Variants in FRAS1 observed in about 807,000 individuals in gnomAD.
FRAS1 encodes the protein extracellular matrix organizing protein FRAS1.
In FRAS1, 290 loss-of-function variants were observed where a neutral mutation model predicts 435.2. The ratio of observed to expected loss-of-function variants is 0.67; its 90% CI spans 0.61 to 0.73. The LOEUF is 0.73. Ranked by LOEUF, FRAS1 falls within the 30% of genes least tolerant of loss-of-function variation. FRAS1 has a pLI of 0.00. For missense variants in FRAS1, 4,860 were observed against 5,001.5 expected, an observed-to-expected ratio of 0.97 and a Z score of 0.85; for synonymous variants, 1,800 against 1,851.0, an observed-to-expected ratio of 0.97 and a Z score of 0.71.
intron 60 of FRAS1, among the ~76,000 whole-genome samples, chr4:78,498,874 G>T (rs1307220939): frequency 8.2e-6 from 1 of 122,134 alleles, no homozygotes; most frequent in South Asian, 2.2e-4. Context: ...TTGAGATGGA[G>T]TTTTGCTTTG....
intron 2 of FRAS1, among the ~76,000 whole-genome samples, chr4:78,197,895 TGA>T (rs1722883324): frequency 1.3e-5 from 2 of 151,810 alleles, no homozygotes; most frequent in South Asian, 2.1e-4. Flanking sequence ...GAGCCGAGAT[TGA>T]GCCACTGCAC....
At chr4:78,207,950 C>A (rs1414408857) in intron 2 of FRAS1, among the ~76,000 whole-genome samples, 1 of 152,096 alleles carries the variant, frequency 6.6e-6, no homozygotes, top group Non-Finnish European at 1.5e-5. Flanking sequence ...TGTGGAGACT[C>A]GCATTGTGAA....
In FRAS1 at chr4:78,265,453, T is replaced by C. The variant is rs76122302; in HGVS notation, c.687+345T>C. ...CTCTGTGGATGTTTTTCTGCTTTGG[T>C]TGGATTTTATGCATTGACATCTGGA... On this transcript the variant is annotated intron_variant, in intron 7 of 73. Transcript: ENST00000512123. Among the ~76,000 whole-genome samples, 4 of 152,258 alleles carry C rather than the reference T, an allele frequency of 2.6e-5. No homozygotes were observed. The East Asian group carries it at 7.7e-4, about 29-fold the overall frequency.
chr4:78,466,703 G>A (rs1719541937), intron 50 of FRAS1, among the ~76,000 whole-genome samples: 1 of 152,158 alleles, frequency 6.6e-6, no homozygotes. Context: ...AATAAATGGT[G>A]ATAGTTCTTG....
At chr4:78,158,337 G>T (rs973447524) in intron 2 of FRAS1, among the ~76,000 whole-genome samples, 1 of 151,958 alleles carries the variant, frequency 6.6e-6, no homozygotes, top group Non-Finnish European at 1.5e-5. Context: ...ATTTGTTTGT[G>T]TCATATATGA....
intron 33 of FRAS1, among the ~76,000 whole-genome samples, chr4:78,419,512 C>G (rs762620396): frequency 6.6e-6 from 1 of 152,046 alleles, no homozygotes; most frequent in Non-Finnish European, 1.5e-5. Context: ...GTTCCTTCCC[C>G]GATTGGATAC....
rs3210826 is a variant in FRAS1, at chr4:78,542,425, G to A, written c.*1301G>A. The A allele has an allele frequency of 0.13, 19,093 of 152,538 alleles. 2,265 individuals are homozygous for A. The highest frequency in any genetic ancestry group is 0.31 in the East Asian group (1,611 of 5,176). 9.4% of individuals were successfully genotyped at this position (152,538 alleles called of 1,614,324 possible). ...CTGCCTTATTGGCGGAAACATAAGC[G>A]TGCATGCCATGTTGTTTTGAATTGG... is the stretch of plus-strand genomic sequence containing the variant. On this transcript the variant is annotated 3_prime_UTR_variant, in exon 74 of 74. Transcript: ENST00000512123.
At chr4:78,430,198 C>G in intron 36 of FRAS1, 94 bp from the exon 37 acceptor site, 1 of 1,463,476 alleles carries the variant, frequency 6.8e-7, no homozygotes, top group Non-Finnish European at 9.5e-7. Flanking sequence ...TTACCCACAG[C>G]ATGACTCCTA....
chr4:78,375,975 A>C, intron 26 of FRAS1, 96 bp downstream of exon 26: 1 of 1,384,316 alleles, frequency 7.2e-7, no homozygotes, highest in Non-Finnish European at 1.0e-6. Flanking sequence ...GTGATATAAA[A>C]TGCAGCATTC....
chr4:78,403,648 G>A (rs756001072), intron 30 of FRAS1, among the ~76,000 whole-genome samples: 1 of 152,178 alleles, frequency 6.6e-6, no homozygotes. Flanking sequence ...TGTATAGTAT[G>A]TGCATGAAGG....
intron 5 of FRAS1, 54 bp downstream of exon 5, chr4:78,252,605 T>G: frequency 1.1e-5 from 17 of 1,497,512 alleles, no homozygotes; most frequent in Non-Finnish European, 1.6e-5. Context: ...TTCACATGGC[T>G]ATCGGGGGAA....
Position 78,511,516 on chromosome 4 carries a change from G to C in FRAS1, c.10013+10G>C, listed in dbSNP as rs1721040189. On this transcript the variant is annotated intron_variant, in intron 64 of 73. Coordinates refer to ENST00000512123, the MANE Select transcript of FRAS1 (RefSeq NM_025074.7). Reference sequence around the variant, plus strand: ...AGGAGCATCCGAACAGGTCAGGCAGGTGGTGCCTTCCACCACACATAGATT... The same window carrying C: ...AGGAGCATCCGAACAGGTCAGGCAGCTGGTGCCTTCCACCACACATAGATT... 1.3e-6 allele frequency: 2 copies of C among 1,596,596 alleles called. No homozygotes were observed. The highest frequency in any genetic ancestry group is 4.5e-5 in the East Asian group (2 of 44,610).
rs1224547676 is a variant in FRAS1 at position 78,407,675 on chromosome 4, T to A, written c.4142T>A (p.Leu1381His). 1 of 1,612,164 alleles carries A rather than the reference T, an allele frequency of 6.2e-7. No homozygotes were observed. The highest frequency in any genetic ancestry group is 1.1e-5 in the South Asian group (1 of 90,616). Residue 1381 changes from leucine to histidine, a missense_variant, in exon 31 of 74, where the codon CTT (leucine) becomes CAT (histidine). By Grantham distance (99) the Leu-to-His change is moderately conservative. Transcript: ENST00000512123. Reference sequence around the variant, plus strand: ...TGTGCCTTCCTAGGGGAGGTGGTCCTTCTAGTGAATATGCCTGCAGACAGC... The same window carrying A: ...TGTGCCTTCCTAGGGGAGGTGGTCCATCTAGTGAATATGCCTGCAGACAGC... ...QDYPQFGEVV[L>H]LVNMPADSPA...
At position 78,252,505 on chromosome 4, in the gene FRAS1, A is replaced by T. The variant is rs781132265; in HGVS notation, c.423A>T (p.Ala141=). 1.1e-5 allele frequency: 17 copies of T among 1,613,716 alleles called. No individual in the cohort carries two copies. The South Asian group carries it at 1.8e-4, about 17-fold the overall frequency. ...TGTCATGTGGACACCAGGAGCTGGCATTCATCCCTGAAGGAAGCTGCTGCC... is the reference window on the plus strand; with the variant it reads ...TGTCATGTGGACACCAGGAGCTGGCTTTCATCCCTGAAGGAAGCTGCTGCC... ...PPLSCGHQEL[A]FIPEGSCCPV... Residue 141 remains alanine, a synonymous_variant, in exon 5 of 74, where the codon GCA becomes GCT. Coordinates refer to ENST00000512123, the MANE Select transcript of FRAS1 (RefSeq NM_025074.7).
chr4:78,316,002 C>T (rs537049631), intron 16 of FRAS1, among the ~76,000 whole-genome samples: 22 of 152,320 alleles, frequency 1.4e-4, no homozygotes, highest in Admixed American at 6.5e-4. Flanking sequence ...AAATGCCCAA[C>T]ATACAGTCCT....
chr4:78,218,330 AG>A (rs756203504), intron 2 of FRAS1, among the ~76,000 whole-genome samples: 1 of 151,600 alleles, frequency 6.6e-6, no homozygotes, highest in Non-Finnish European at 1.5e-5. Flanking sequence ...TTGTGCATAG[AG>A]GGTAGAAAGT....
At chr4:78,113,249 C>T (rs1379991134) in intron 2 of FRAS1, among the ~76,000 whole-genome samples, 1 of 152,110 alleles carries the variant, frequency 6.6e-6, no homozygotes, top group East Asian at 1.9e-4. Flanking sequence ...TGGGTTAGTT[C>T]CAAGTCTTTG....
At chr4:78,234,746 T>C (rs1478575126) in intron 2 of FRAS1, among the ~76,000 whole-genome samples, 1 of 152,238 alleles carries the variant, frequency 6.6e-6, no homozygotes, top group African/African-American at 2.4e-5. Context: ...CTAAATGACT[T>C]TGGAGAGGCC....
At chr4:78,279,649 T>C (rs1727231065) in intron 10 of FRAS1, among the ~76,000 whole-genome samples, 1 of 152,228 alleles carries the variant, frequency 6.6e-6, no homozygotes, top group Non-Finnish European at 1.5e-5. Flanking sequence ...TTGCCCTGTG[T>C]CTGCACTTTT....
Sources: allele counts gnomAD v4.1 joint callset (sites outside exome capture counted in the v4.1 genomes callset), GRCh38; gene constraint gnomAD v4.1.1; transcripts MANE v1.5; gene names NCBI Gene and HGNC (gene_info 2026-07-23, HGNC 2026-07-21).